NFYC: variants seen among roughly 807,000 people sequenced by gnomAD.
NFYC encodes the protein nuclear transcription factor Y subunit gamma.
NFYC carries 25 observed loss-of-function variants against 53.1 expected under a neutral mutation model. The observed-to-expected ratio is 0.47, with a 90% CI of 0.34 to 0.66. NFYC has a LOEUF of 0.66. Among genes scored for constraint, NFYC ranks in the 30% least tolerant of loss-of-function variants. NFYC has a pLI of 0.01. For missense variants in NFYC, 260 were observed against 422.7 expected (o/e 0.62, Z 3.38); for synonymous variants, 145 against 152.6 (o/e 0.95, Z 0.37).
intron 6 of NFYC, among the ~76,000 whole-genome samples, chr1:40,761,283 G>A (rs1450848036): frequency 6.6e-6 from 1 of 152,186 alleles, no homozygotes. Context: ...TGAGGATGGT[G>A]AAGTTGGTCC....
At chr1:40,727,688 G>A (rs1644583341) in intron 1 of NFYC, among the ~76,000 whole-genome samples, 1 of 151,830 alleles carries the variant, frequency 6.6e-6, no homozygotes, top group Admixed American at 6.6e-5. Flanking sequence ...ACACCACCAT[G>A]CCCGGCTAAT....
intron 1 of NFYC, among the ~76,000 whole-genome samples, chr1:40,704,501 A>G (rs565783155): frequency 8.1e-4 from 123 of 152,344 alleles, no homozygotes; most frequent in Non-Finnish European, 1.6e-3. Flanking sequence ...CAGTAATGAC[A>G]GGTAGAAGAG....
intron 8 of NFYC, among the ~76,000 whole-genome samples, chr1:40,768,162 A>AT (rs1164368995): frequency 6.6e-6 from 1 of 152,214 alleles, no homozygotes; most frequent in Non-Finnish European, 1.5e-5. Flanking sequence ...AGCTGAATGA[A>AT]TAATATGTAA....
chr1:40,741,564 CA>C (rs1311757451), intron 2 of NFYC, among the ~76,000 whole-genome samples: 1 of 151,824 alleles, frequency 6.6e-6, no homozygotes, highest in Non-Finnish European at 1.5e-5. Context: ...TCTGTTGAAG[CA>C]TGTGACAGGA....
chr1:40,715,064 A>G (rs1477453265), intron 1 of NFYC, among the ~76,000 whole-genome samples: 1 of 144,330 alleles, frequency 6.9e-6, no homozygotes, highest in Non-Finnish European at 1.5e-5. Flanking sequence ...TGTGCAACAA[A>G]TCGAGACTCC....
At chr1:40,712,429 G>T (rs1643959480) in intron 1 of NFYC, 1 of 152,094 alleles carries the variant, frequency 6.6e-6, no homozygotes, top group African/African-American at 2.4e-5. Flanking sequence ...AAATCTGGAA[G>T]CCTGTTCCAT....
chr1:40,708,211 A>T (rs946473549), intron 1 of NFYC, among the ~76,000 whole-genome samples: 1 of 151,618 alleles, frequency 6.6e-6, no homozygotes, highest in African/African-American at 2.4e-5. Context: ...CCAAGTTGGA[A>T]GCTGCAGTGG....
intron 1 of NFYC, among the ~76,000 whole-genome samples, chr1:40,696,377 G>C (rs1041940163): frequency 3.3e-5 from 5 of 152,176 alleles, no homozygotes; most frequent in Non-Finnish European, 7.3e-5. Context: ...CTTAAACACT[G>C]TGTTGACACC....
chr1:40,735,531 A>G (rs1644983309), intron 1 of NFYC: 4 of 934,414 alleles, frequency 4.3e-6, no homozygotes, highest in African/African-American at 3.5e-5. Context: ...TGAATTGTGT[A>G]CCTTTGTAAT....
chr1:40,771,348 C>T lies in NFYC; in HGVS notation c.*520C>T. The stretch of plus-strand genomic sequence containing the variant: ...CTCGTGGTCCTCTCCCCATCCCTTG[C>T]TCTGACCCCAGAGCTCTGTGTATTT... On this transcript the variant is annotated 3_prime_UTR_variant, in exon 10 of 10. Coordinates refer to ENST00000447388, the MANE Select transcript of NFYC (RefSeq NM_014223.5). The T allele has an allele frequency of 2.2e-6, 1 of 447,858 alleles. No individual in the cohort carries two copies. Among genetic ancestry groups the T allele is most frequent in the South Asian group, 1.6e-5 (1 of 61,160 alleles). The allele number at this position is 447,858 out of a possible 1,614,324, so 27.7% of individuals were successfully genotyped here. A position where few individuals can be genotyped will look rare whatever the true frequency, so the allele number is the denominator to read the frequency against.
intron 1 of NFYC, among the ~76,000 whole-genome samples, chr1:40,696,029 T>G (rs1340620945): frequency 1.3e-5 from 2 of 149,662 alleles, no homozygotes; most frequent in Middle Eastern, 3.2e-3. Context: ...ATTCTGTTTT[T>G]TTTTTTTTTT....
chr1:40,751,661 C>T (rs1645920356), intron 4 of NFYC, among the ~76,000 whole-genome samples: 1 of 152,110 alleles, frequency 6.6e-6, no homozygotes, highest in South Asian at 2.1e-4. Context: ...GATCCTCCTG[C>T]CTCAGGGAAT....
intron 1 of NFYC, among the ~76,000 whole-genome samples, chr1:40,698,029 T>G (rs1303242178): frequency 6.6e-6 from 1 of 152,212 alleles, no homozygotes; most frequent in African/African-American, 2.4e-5. Context: ...TCTTTGCATT[T>G]GAATGTTTCC....
At chr1:40,722,594 A>T (rs1052290613) in intron 1 of NFYC, among the ~76,000 whole-genome samples, 2 of 152,182 alleles carry the variant, frequency 1.3e-5, no homozygotes, top group Non-Finnish European at 2.9e-5. Flanking sequence ...AGCCATGATG[A>T]TATGATGCCA....
intron 9 of NFYC, 111 bp downstream of exon 9, chr1:40,769,526 G>A (rs1646980728): frequency 8.2e-6 from 7 of 853,852 alleles, no homozygotes; most frequent in Non-Finnish European, 1.4e-5. Flanking sequence ...TACTAACAGT[G>A]AGTGGACAGA....
chr1:40,767,708 G>T (rs1166835030), intron 8 of NFYC, among the ~76,000 whole-genome samples: 3 of 152,188 alleles, frequency 2.0e-5, no homozygotes, highest in Non-Finnish European at 4.4e-5. Context: ...GGGCACAGTG[G>T]GTCACGCCTG....
intron 1 of NFYC, among the ~76,000 whole-genome samples, chr1:40,710,510 AC>A (rs1405102429): frequency 6.6e-6 from 1 of 152,194 alleles, no homozygotes; most frequent in African/African-American, 2.4e-5. Context: ...CTTCAATCCC[AC>A]ATACTAAGAT....
chr1:40,753,278 A>T, intron 5 of NFYC, 32 bp downstream of exon 5: 2 of 1,488,912 alleles, frequency 1.3e-6, no homozygotes, highest in Non-Finnish European at 1.9e-6. Context: ...GTTGCTGCTG[A>T]CTGAAGAGCG....
chr1:40,717,483 C>A (rs1452535691), intron 1 of NFYC, among the ~76,000 whole-genome samples: 1 of 152,144 alleles, frequency 6.6e-6, no homozygotes, highest in Non-Finnish European at 1.5e-5. Context: ...TCCTCGCAGT[C>A]CTTGGAGCAC....
Sources: gnomAD v4.1 joint callset for allele counts (sites outside exome capture counted in the v4.1 genomes callset) on GRCh38, gnomAD v4.1.1 for gene constraint, MANE v1.5 for transcripts, NCBI Gene and HGNC (gene_info 2026-07-23, HGNC 2026-07-21) for gene names.